Variants in EFHB observed in about 807,000 individuals in gnomAD.
EFHB encodes the protein EF-hand domain family member B, also known as EF-hand domain-containing family member B.
In EFHB, 91 loss-of-function variants were observed where a neutral mutation model predicts 87.2. That is an observed-to-expected ratio of 1.04 (90% CI 0.88 to 1.24). The LOEUF is 1.24. EFHB is among the 50% of genes most tolerant of loss of function. The pLI, the probability that EFHB is intolerant of heterozygous loss-of-function variation, is 0.00. For missense variants in EFHB, 1,084 were observed against 998.8 expected (o/e 1.09, Z -1.15); for synonymous variants, 325 against 333.6 (o/e 0.97, Z 0.28).
intron 1 of EFHB, among the ~76,000 whole-genome samples, chr3:19,921,150 G>C (rs564585609): frequency 9.2e-5 from 14 of 152,280 alleles, no homozygotes; most frequent in African/African-American, 3.1e-4. Flanking sequence ...GAAAGAAAGA[G>C]AACAAACAGA....
chr3:19,919,522 A>T (rs375244710), intron 3 of EFHB, among the ~76,000 whole-genome samples: 5 of 152,104 alleles, frequency 3.3e-5, no homozygotes, highest in African/African-American at 9.7e-5. Context: ...AGTCCTCTTT[A>T]TTGTCTAACA....
At chr3:19,883,901 G>T (rs2071744736) in intron 11 of EFHB, among the ~76,000 whole-genome samples, 1 of 152,166 alleles carries the variant, frequency 6.6e-6, no homozygotes, top group Non-Finnish European at 1.5e-5. Flanking sequence ...AACCAATCCT[G>T]CTGACACCTT....
intron 5 of EFHB, among the ~76,000 whole-genome samples, chr3:19,911,043 A>G (rs2125142418): frequency 6.6e-6 from 1 of 152,360 alleles, no homozygotes; most frequent in Middle Eastern, 3.4e-3. Context: ...CCAGACACCA[A>G]GGAACATCTA....
rs114433159 is a variant in EFHB at position 19,915,045 on chromosome 3, T to C, written c.1288+258A>G. Among the ~76,000 whole-genome samples the C allele has an allele frequency of 9.7e-3, 1,477 of 151,870 alleles. 28 individuals are homozygous for C. Among genetic ancestry groups the C allele is most frequent in the African/African-American group, 0.034 (1,391 of 41,398 alleles). On this transcript the variant is annotated intron_variant, in intron 5 of 12. Transcript: ENST00000295824. ...AGGTGGAGACTGCAATGAACCATGA[T>C]CATACCACTGCACTCCAACATGGGC... is the stretch of plus-strand genomic sequence containing the variant.
chr3:19,885,187 A>C (rs1157100003), intron 10 of EFHB, among the ~76,000 whole-genome samples: 2 of 150,870 alleles, frequency 1.3e-5, no homozygotes, highest in Admixed American at 1.3e-4. Context: ...GCGCCATTGC[A>C]CTCCAGCCTG....
intron 11 of EFHB, 154 bp downstream of exon 11, chr3:19,884,249 G>T: frequency 1.5e-6 from 1 of 648,658 alleles, no homozygotes; most frequent in Non-Finnish European, 2.6e-6. Flanking sequence ...ATTTATATGT[G>T]GGCCTCTCCT....
intron 6 of EFHB, among the ~76,000 whole-genome samples, chr3:19,903,612 C>A (rs1385610805): frequency 6.6e-6 from 1 of 151,850 alleles, no homozygotes; most frequent in African/African-American, 2.4e-5. Flanking sequence ...TCATCCATAT[C>A]CTAAATAAAA....
upstream of EFHB, among the ~76,000 whole-genome samples, chr3:19,937,498 G>A (rs1575056133): frequency 6.6e-6 from 1 of 151,910 alleles, no homozygotes; most frequent in East Asian, 1.9e-4. Flanking sequence ...CAGGACCAAA[G>A]CTCTGATCAA....
At chr3:19,940,304 G>A in intron 1 of EFHB, 1 of 283,346 alleles carries the variant, frequency 3.5e-6, no homozygotes, top group Non-Finnish European at 7.1e-6. Context: ...CCATCAGAGG[G>A]AGGAGATCCA....
chr3:19,906,113 G>A (rs967927203), intron 5 of EFHB, among the ~76,000 whole-genome samples: 1 of 152,178 alleles, frequency 6.6e-6, no homozygotes, highest in Non-Finnish European at 1.5e-5. Flanking sequence ...TTGAGGCCAG[G>A]AGTTCGAGAC....
At chr3:19,929,484 T>C (rs1320782296) in intron 1 of EFHB, among the ~76,000 whole-genome samples, 1 of 151,838 alleles carries the variant, frequency 6.6e-6, no homozygotes. Context: ...GGTGGGTGTA[T>C]CACGAGGTCA....
intron 6 of EFHB, among the ~76,000 whole-genome samples, chr3:19,900,934 A>C (rs1234130857): frequency 1.3e-5 from 2 of 152,058 alleles, no homozygotes; most frequent in Admixed American, 1.3e-4. Flanking sequence ...CTCAAAAAAA[A>C]AAAAAATGTA....
At chr3:19,882,014 CAAAAATAA>C (rs1488113978) in intron 12 of EFHB, among the ~76,000 whole-genome samples, 334 of 114,414 alleles carry the variant, frequency 2.9e-3, no homozygotes, top group African/African-American at 0.01. Context: ...TTTTCTGAGT[CAAAAATAA>C]ATAAATAAAT....
At chr3:19,919,762 C>T in intron 3 of EFHB, 71 bp downstream of exon 3, 1 of 1,459,120 alleles carries the variant, frequency 6.9e-7, no homozygotes, top group South Asian at 1.2e-5. Flanking sequence ...ATGAATTTCA[C>T]TAATACCTGA....
At chr3:19,936,666 G>A (rs553322306), upstream of EFHB, among the ~76,000 whole-genome samples, 8 of 152,114 alleles carry the variant, frequency 5.3e-5, no homozygotes, top group East Asian at 5.8e-4. Flanking sequence ...TCAGGAGTTC[G>A]AGACCAGCCT....
At chr3:19,898,376 C>T (rs765267480) in intron 8 of EFHB, among the ~76,000 whole-genome samples, 2 of 152,152 alleles carry the variant, frequency 1.3e-5, no homozygotes, top group East Asian at 1.9e-4. Context: ...TGAGATTCTG[C>T]ATTTCTAAGG....
chr3:19,931,423 G>A (rs28494818), intron 1 of EFHB, among the ~76,000 whole-genome samples: 8,056 of 152,294 alleles, frequency 0.053, 675 homozygotes, highest in African/African-American at 0.18. Flanking sequence ...ATCAGAAGCT[G>A]TAAATTGCAG....
intron 3 of EFHB, among the ~76,000 whole-genome samples, chr3:19,919,480 T>A (rs755537913): frequency 2.6e-4 from 39 of 152,140 alleles, no homozygotes; most frequent in Non-Finnish European, 4.9e-4. Flanking sequence ...GTGCTGGGAT[T>A]ACAGGCATGA....
At chr3:19,898,539 C>A (rs571626584) in intron 8 of EFHB, among the ~76,000 whole-genome samples, 1 of 152,134 alleles carries the variant, frequency 6.6e-6, no homozygotes, top group Admixed American at 6.5e-5. Flanking sequence ...AAATTCAAAG[C>A]CTTAACTACA....
Sources: allele counts gnomAD v4.1 joint callset (sites outside exome capture counted in the v4.1 genomes callset), GRCh38; gene constraint gnomAD v4.1.1; transcripts MANE v1.5; gene names NCBI Gene and HGNC (gene_info 2026-07-23, HGNC 2026-07-21).